PARD3: variants seen among roughly 807,000 people sequenced by gnomAD.
The protein encoded by PARD3 is par-3 family cell polarity regulator.
In PARD3, 75 loss-of-function variants were observed where a neutral mutation model predicts 155.4. That is an observed-to-expected ratio of 0.48 (90% CI 0.40 to 0.58). PARD3 has a LOEUF of 0.58. PARD3 is among the 20% of genes least tolerant of loss of function. The pLI, the probability that PARD3 is intolerant of heterozygous loss-of-function variation, is 0.00. For synonymous variants in PARD3, 576 were observed against 610.5 expected, an observed-to-expected ratio of 0.94 and a Z score of 0.83; for missense variants, 1,642 against 1,721.7, an observed-to-expected ratio of 0.95 and a Z score of 0.82.
At chr10:34,458,251 G>A (rs1256991331) in intron 4 of PARD3, among the ~76,000 whole-genome samples, 2 of 151,952 alleles carry the variant, frequency 1.3e-5, no homozygotes, top group African/African-American at 2.4e-5. Context: ...CACCCAGGCT[G>A]GAGTGCAGAA....
At chr10:34,165,020 C>G (rs934359918) in intron 22 of PARD3, among the ~76,000 whole-genome samples, 1 of 151,714 alleles carries the variant, frequency 6.6e-6, no homozygotes, top group Non-Finnish European at 1.5e-5. Flanking sequence ...CTTTTTTTCT[C>G]TTAAAGATTC....
intron 18 of PARD3, 78 bp from the exon 19 acceptor site, chr10:34,331,422 T>G: frequency 1.2e-6 from 1 of 814,252 alleles, no homozygotes; most frequent in Non-Finnish European, 2.0e-6. Context: ...GTCGAAAACT[T>G]CAGGTACATA....
At chr10:34,444,701 G>A (rs1490505733) in intron 5 of PARD3, among the ~76,000 whole-genome samples, 4 of 152,084 alleles carry the variant, frequency 2.6e-5, no homozygotes, top group African/African-American at 9.7e-5. Context: ...TTTTCTTATT[G>A]AAGTAAAACT....
intron 18 of PARD3, among the ~76,000 whole-genome samples, chr10:34,333,343 C>A (rs1222366525): frequency 6.6e-6 from 1 of 152,030 alleles, no homozygotes; most frequent in East Asian, 1.9e-4. Context: ...AATTGAGTGT[C>A]CCTAAGCATA....
At chr10:34,543,353 A>C (rs1030838573) in intron 2 of PARD3, among the ~76,000 whole-genome samples, 8 of 152,308 alleles carry the variant, frequency 5.3e-5, no homozygotes, top group Middle Eastern at 3.4e-3. Flanking sequence ...GCAAAATCCT[A>C]AAATATAAGC....
chr10:34,535,110 T>G (rs748309929), intron 2 of PARD3, among the ~76,000 whole-genome samples: 9 of 152,172 alleles, frequency 5.9e-5, no homozygotes, highest in Non-Finnish European at 1.3e-4. Flanking sequence ...AACAAAAAAA[T>G]TATGTAACAA....
chr10:34,340,859 G>C (rs1189136266), intron 16 of PARD3, among the ~76,000 whole-genome samples: 1 of 152,132 alleles, frequency 6.6e-6, no homozygotes, highest in Non-Finnish European at 1.5e-5. Context: ...ATATGATTTT[G>C]CTGATATATT....
chr10:34,601,342 C>T (rs2089761864), intron 2 of PARD3, among the ~76,000 whole-genome samples: 2 of 151,502 alleles, frequency 1.3e-5, no homozygotes, highest in Admixed American at 1.3e-4. Context: ...ACTCAAAAGG[C>T]TAAGGCAGGA....
rs140371988 is a variant in PARD3 at position 34,431,195 on chromosome 10, C to T, written c.714+19122G>A. Among the ~76,000 whole-genome samples, 211 of 152,208 alleles carry T rather than the reference C, an allele frequency of 1.4e-3. 1 individual carries two copies. Among genetic ancestry groups the T allele is most frequent in the African/African-American group, 4.9e-3 (202 of 41,536 alleles). On this transcript the variant is annotated intron_variant, in intron 5 of 24. Coordinates refer to ENST00000374788, the MANE Select transcript of PARD3 (RefSeq NM_001184785.2). ...CACATGAATAACACCCCTGATGCTACCCCTTCATTTTCAAGCAGAGTGTCA... is the reference window on the plus strand; with the variant it reads ...CACATGAATAACACCCCTGATGCTATCCCTTCATTTTCAAGCAGAGTGTCA...
chr10:34,588,347 T>C (rs1176523307), intron 2 of PARD3, among the ~76,000 whole-genome samples: 1 of 152,208 alleles, frequency 6.6e-6, no homozygotes, highest in East Asian at 1.9e-4. Context: ...TGTTCTTTGC[T>C]GTAAAGTCTA....
chr10:34,266,225 T>C (rs1348191286), intron 22 of PARD3, among the ~76,000 whole-genome samples: 1 of 100,604 alleles, frequency 9.9e-6, no homozygotes, highest in East Asian at 2.3e-4. Flanking sequence ...AGATTGTCTT[T>C]CTATAAAAAA....
intron 20 of PARD3, among the ~76,000 whole-genome samples, chr10:34,299,723 A>G (rs1005284540): frequency 2.6e-5 from 4 of 152,234 alleles, no homozygotes; most frequent in African/African-American, 9.6e-5. Context: ...AAGGAGTTCC[A>G]CAGGAAAAAT....
At chr10:34,172,823 G>A (rs2133131313) in intron 22 of PARD3, among the ~76,000 whole-genome samples, 1 of 150,390 alleles carries the variant, frequency 6.6e-6, no homozygotes, top group South Asian at 2.1e-4. Context: ...TGCTAAAAAG[G>A]TACAGATAAT....
At chr10:34,231,812 CAAGAGA>C (rs1206289239) in intron 22 of PARD3, among the ~76,000 whole-genome samples, 2 of 151,932 alleles carry the variant, frequency 1.3e-5, no homozygotes, top group African/African-American at 4.8e-5. Context: ...CATTCTGGCC[CAAGAGA>C]ACATACTTAT....
chr10:34,759,606 T>C (rs1218879346), intron 1 of PARD3, among the ~76,000 whole-genome samples: 3 of 152,208 alleles, frequency 2.0e-5, no homozygotes, highest in Non-Finnish European at 2.9e-5. Flanking sequence ...AGTATTCATA[T>C]AAAACAGGAA....
intron 22 of PARD3, among the ~76,000 whole-genome samples, chr10:34,183,023 C>T (rs1277882861): frequency 6.6e-6 from 1 of 152,228 alleles, no homozygotes; most frequent in Non-Finnish European, 1.5e-5. Context: ...GAAAGTATCA[C>T]TGAGCCACTA....
At chr10:34,560,578 ATGTC>A (rs1356043422) in intron 2 of PARD3, among the ~76,000 whole-genome samples, 2 of 152,232 alleles carry the variant, frequency 1.3e-5, no homozygotes, top group Admixed American at 1.3e-4. Context: ...ATTTTACTAA[ATGTC>A]TGTAATATTA....
At chr10:34,631,787 G>A (rs1362181301) in intron 2 of PARD3, among the ~76,000 whole-genome samples, 4 of 152,058 alleles carry the variant, frequency 2.6e-5, no homozygotes, top group Non-Finnish European at 5.9e-5. Flanking sequence ...CTGTAAAAAC[G>A]AGGTCTTACC....
chr10:34,484,879 C>T (rs566123995), intron 3 of PARD3, among the ~76,000 whole-genome samples: 4 of 152,336 alleles, frequency 2.6e-5, no homozygotes, highest in African/African-American at 9.6e-5. Context: ...CCTCCACAAG[C>T]TCCTTTCGTG....
Sources: gnomAD v4.1 joint callset for allele counts (sites outside exome capture counted in the v4.1 genomes callset) on GRCh38, gnomAD v4.1.1 for gene constraint, MANE v1.5 for transcripts, NCBI Gene and HGNC (gene_info 2026-07-23, HGNC 2026-07-21) for gene names.